SETBP1: variants seen among roughly 807,000 people sequenced by gnomAD.
SETBP1 encodes SET binding protein 1.
In SETBP1, 9 loss-of-function variants were observed where a neutral mutation model predicts 101.0. The ratio of observed to expected loss-of-function variants is 0.09; its 90% CI spans 0.05 to 0.16. SETBP1 has a LOEUF of 0.16. SETBP1 is among the 10% of genes least tolerant of loss of function. The pLI is 1.00. For missense variants in SETBP1, 1,858 were observed against 2,033.8 expected (o/e 0.91, Z 1.66); for synonymous variants, 818 against 788.5 (o/e 1.04, Z -0.63).
At chr18:44,720,891 G>A (rs1192495481) in intron 2 of SETBP1, among the ~76,000 whole-genome samples, 6 of 149,486 alleles carry the variant, frequency 4.0e-5, no homozygotes, top group Non-Finnish European at 5.9e-5. Context: ...GAAAGCAATG[G>A]AGCCCTCCAA....
intron 4 of SETBP1, among the ~76,000 whole-genome samples, chr18:45,002,291 ATTT>A (rs5824568): frequency 7.3e-6 from 1 of 136,902 alleles, no homozygotes. Context: ...GAGAAGAACC[ATTT>A]TTTTTTTTTT....
chr18:44,879,444 C>G (rs1184104311), intron 3 of SETBP1, among the ~76,000 whole-genome samples: 1 of 152,106 alleles, frequency 6.6e-6, no homozygotes, highest in Non-Finnish European at 1.5e-5. Context: ...TGTCTGGCAT[C>G]TAGTAAACAC....
intron 5 of SETBP1, among the ~76,000 whole-genome samples, chr18:45,052,830 G>A (rs984946571): frequency 6.6e-6 from 1 of 152,150 alleles, no homozygotes; most frequent in Non-Finnish European, 1.5e-5. Context: ...CAGCCCAGAG[G>A]TAGTTAAAAG....
chr18:45,000,588 A>T (rs1332956130), intron 4 of SETBP1, among the ~76,000 whole-genome samples: 1 of 152,024 alleles, frequency 6.6e-6, no homozygotes, highest in African/African-American at 2.4e-5. Flanking sequence ...TATACTCTTA[A>T]AATAAAAAAT....
Position 44,881,133 on chromosome 18 carries a change from C to A in SETBP1, c.540+11850C>A, listed in dbSNP as rs566311323. ...CTACACATTTTATCTTTGGAGTTAA[C>A]AAGTTTTGTGAGCCTATTTTAAGAC... On this transcript the variant is annotated intron_variant, in intron 3 of 5. Coordinates refer to ENST00000649279, the MANE Select transcript of SETBP1 (RefSeq NM_015559.3). Among the ~76,000 whole-genome samples the A allele has an allele frequency of 2.0e-5, 3 of 152,164 alleles. No individual in the cohort carries two copies. In the South Asian group the frequency reaches 6.2e-4, roughly 32 times the overall value.
chr18:44,722,735 C>G (rs1383430910), intron 2 of SETBP1, among the ~76,000 whole-genome samples: 4 of 152,146 alleles, frequency 2.6e-5, no homozygotes, highest in Admixed American at 2.0e-4. Context: ...TAAAGGATTC[C>G]CATCTGAGTG....
At chr18:44,684,800 C>G (rs1000673508) in intron 1 of SETBP1, among the ~76,000 whole-genome samples, 23 of 152,132 alleles carry the variant, frequency 1.5e-4, no homozygotes, top group Admixed American at 1.5e-3. Flanking sequence ...GCACCCACCA[C>G]CATGCCTGGC....
intron 4 of SETBP1, among the ~76,000 whole-genome samples, chr18:44,972,909 C>T (rs919775381): frequency 7.2e-5 from 11 of 152,132 alleles, no homozygotes; most frequent in Non-Finnish European, 1.3e-4. Context: ...ACTTCCAACA[C>T]TGTGTTGAAT....
At chr18:44,849,861 A>T (rs771481659) in intron 2 of SETBP1, among the ~76,000 whole-genome samples, 2 of 152,210 alleles carry the variant, frequency 1.3e-5, no homozygotes, top group Admixed American at 1.3e-4. Context: ...GGCACATGTG[A>T]ACATTTATTA....
rs1453659619 is a variant in SETBP1 at position 44,868,737 on chromosome 18, A to C, written c.487-493A>C. Reference sequence around the variant, plus strand: ...GAGGAAGGAAGGAAGGAAGGAAGGAAGGAAGGAAGGAAGGAAGGAAGGAAG... The same window carrying C: ...GAGGAAGGAAGGAAGGAAGGAAGGACGGAAGGAAGGAAGGAAGGAAGGAAG... On this transcript the variant is annotated intron_variant, in intron 2 of 5. Transcript: ENST00000649279. Among the ~76,000 whole-genome samples, 12 of 60,034 alleles carry C rather than the reference A, an allele frequency of 2.0e-4. 1 individual carries two copies. In the East Asian group the frequency reaches 3.9e-3, roughly 19 times the overall value. The allele number at this position is 60,034 out of a possible 152,430, so 39.4% of individuals were successfully genotyped here.
chr18:44,791,522 G>C (rs1018279329), intron 2 of SETBP1, among the ~76,000 whole-genome samples: 2 of 152,152 alleles, frequency 1.3e-5, no homozygotes, highest in Non-Finnish European at 2.9e-5. Flanking sequence ...ATCTCTCAGT[G>C]GTGGGGGACA....
At chr18:44,932,907 G>C (rs2070870099) in intron 3 of SETBP1, among the ~76,000 whole-genome samples, 1 of 152,156 alleles carries the variant, frequency 6.6e-6, no homozygotes, top group Admixed American at 6.5e-5. Context: ...CTTTAGCTCA[G>C]AGAAGTTTGT....
intron 2 of SETBP1, among the ~76,000 whole-genome samples, chr18:44,840,213 T>G (rs2072588958): frequency 6.6e-6 from 1 of 152,224 alleles, no homozygotes; most frequent in Non-Finnish European, 1.5e-5. Flanking sequence ...ATATATAATT[T>G]CCATCTTTAA....
At chr18:44,848,740 T>G (rs1474158128) in intron 2 of SETBP1, among the ~76,000 whole-genome samples, 2 of 152,224 alleles carry the variant, frequency 1.3e-5, no homozygotes, top group Non-Finnish European at 2.9e-5. Context: ...ATTTGAGCAT[T>G]GTCATTCGGA....
At chr18:44,784,446 C>A (rs951812561) in intron 2 of SETBP1, among the ~76,000 whole-genome samples, 3 of 152,284 alleles carry the variant, frequency 2.0e-5, no homozygotes, top group Admixed American at 2.0e-4. Context: ...CATGACCTAC[C>A]CCTTCTTGTC....
At chr18:44,711,358 G>GCTTC (rs10539959) in intron 2 of SETBP1, among the ~76,000 whole-genome samples, 29 of 132,830 alleles carry the variant, frequency 2.2e-4, no homozygotes, top group Middle Eastern at 3.9e-3. Flanking sequence ...CAGCTCGTTT[G>GCTTC]CTTCCTTCCT....
chr18:44,924,787 C>T (rs1202597406), intron 3 of SETBP1, among the ~76,000 whole-genome samples: 1 of 152,216 alleles, frequency 6.6e-6, no homozygotes, highest in Non-Finnish European at 1.5e-5. Context: ...GCTCATCCCC[C>T]ACCCTCAACC....
At chr18:44,799,659 G>C (rs1004088978) in intron 2 of SETBP1, among the ~76,000 whole-genome samples, 3 of 152,146 alleles carry the variant, frequency 2.0e-5, no homozygotes, top group African/African-American at 4.8e-5. Context: ...GTGTAGGTTT[G>C]CTGGGGATGC....
At chr18:44,977,163 G>A (rs553577844) in intron 4 of SETBP1, among the ~76,000 whole-genome samples, 42 of 152,228 alleles carry the variant, frequency 2.8e-4, no homozygotes, top group African/African-American at 9.1e-4. Context: ...GTTTCCTTCT[G>A]TACTCACCAG....
Sources: allele counts gnomAD v4.1 joint callset (sites outside exome capture counted in the v4.1 genomes callset), GRCh38; gene constraint gnomAD v4.1.1; transcripts MANE v1.5; gene names NCBI Gene and HGNC (gene_info 2026-07-23, HGNC 2026-07-21).